The following SBF2 variants were observed in gnomAD, a reference collection of about 807,000 sequenced individuals.
SBF2 encodes myotubularin-related protein 13.
A neutral mutation model predicts 225.2 loss-of-function variants in SBF2; 112 were observed. That is an observed-to-expected ratio of 0.50 (90% CI 0.43 to 0.58). The LOEUF (loss-of-function observed/expected upper bound fraction) is 0.58, where lower values mean the gene tolerates loss of function less well. Among genes scored for constraint, SBF2 ranks in the 20% least tolerant of loss-of-function variants. SBF2 has a pLI of 0.00. For missense variants in SBF2, 1,996 were observed against 2,206.2 expected, an observed-to-expected ratio of 0.90 and a Z score of 1.91; for synonymous variants, 763 against 773.3, an observed-to-expected ratio of 0.99 and a Z score of 0.22.
At chr11:10,057,496 C>T (rs969886058) in intron 2 of SBF2, among the ~76,000 whole-genome samples, 1 of 152,188 alleles carries the variant, frequency 6.6e-6, no homozygotes, top group African/African-American at 2.4e-5. Context: ...GACAGGGAAC[C>T]CCTGGCTTGG....
At chr11:10,177,558 A>T (rs1956524393) in intron 2 of SBF2, among the ~76,000 whole-genome samples, 2 of 148,986 alleles carry the variant, frequency 1.3e-5, no homozygotes, top group South Asian at 4.2e-4. Flanking sequence ...ACAGACAAAC[A>T]GAGAGCCAAA....
chr11:10,082,425 G>C (rs1303524268), intron 2 of SBF2, among the ~76,000 whole-genome samples: 1 of 151,888 alleles, frequency 6.6e-6, no homozygotes, highest in Non-Finnish European at 1.5e-5. Flanking sequence ...ACACAACAAT[G>C]ACGACAAAAA....
intron 1 of SBF2, among the ~76,000 whole-genome samples, chr11:10,276,016 A>G (rs2135548442): frequency 6.6e-6 from 1 of 152,324 alleles, no homozygotes; most frequent in South Asian, 2.1e-4. Context: ...AGCTTGAAAA[A>G]AAGCAATGTT....
chr11:10,004,589 A>AAAC (rs1031727887), intron 6 of SBF2, among the ~76,000 whole-genome samples: 3 of 148,966 alleles, frequency 2.0e-5, no homozygotes, highest in African/African-American at 7.3e-5. Context: ...AAAAAAAAAA[A>AAAC]AAAAAACAAA....
Position 10,178,047 on chromosome 11 carries a change from C to T in SBF2, c.141+15855G>A, listed in dbSNP as rs1397468790. Among the ~76,000 whole-genome samples the T allele has an allele frequency of 1.6e-4, 24 of 147,016 alleles. 3 individuals carry two copies. Among genetic ancestry groups the T allele is most frequent in the Non-Finnish European group, 3.4e-4 (23 of 67,272 alleles). On this transcript the variant is annotated intron_variant, in intron 2 of 39. Coordinates refer to ENST00000256190, the MANE Select transcript of SBF2 (RefSeq NM_030962.4). ...CCTCAGAAATAACACCACATATCTA[C>T]AACTATCTGATCTTTGACAAACCTG...
chr11:9,990,000 G>C (rs1469909534), intron 12 of SBF2, among the ~76,000 whole-genome samples: 2 of 152,142 alleles, frequency 1.3e-5, no homozygotes, highest in Admixed American at 1.3e-4. Flanking sequence ...TGTGTGATCT[G>C]GGACAAGGCA....
At chr11:10,285,120 G>A (rs1484487721) in intron 1 of SBF2, among the ~76,000 whole-genome samples, 3 of 152,074 alleles carry the variant, frequency 2.0e-5, no homozygotes, top group South Asian at 4.2e-4. Flanking sequence ...CACCAGCCTG[G>A]GTAACATGGT....
chr11:9,992,596 TG>T, intron 11 of SBF2, 53 bp from the exon 12 acceptor site: 2 of 1,548,176 alleles, frequency 1.3e-6, no homozygotes, highest in Admixed American at 3.6e-5. Context: ...AACGGACAAA[TG>T]GTCAAAACAG....
intron 2 of SBF2, among the ~76,000 whole-genome samples, chr11:10,107,490 C>T (rs1302499765): frequency 6.6e-6 from 1 of 152,086 alleles, no homozygotes; most frequent in Admixed American, 6.5e-5. Flanking sequence ...GCTGCTGTGA[C>T]AAATTACCAG....
At chr11:10,287,898 G>A (rs1042020216) in intron 1 of SBF2, among the ~76,000 whole-genome samples, 9 of 152,196 alleles carry the variant, frequency 5.9e-5, no homozygotes, top group Non-Finnish European at 1.0e-4. Flanking sequence ...GTGTGTAAGC[G>A]AGCGTACAGT....
chr11:9,988,442 G>A (rs1329670633), intron 13 of SBF2, among the ~76,000 whole-genome samples: 2 of 152,118 alleles, frequency 1.3e-5, no homozygotes, highest in Admixed American at 6.5e-5. Flanking sequence ...CACAGCAAAA[G>A]GAACAGTCAG....
intron 32 of SBF2, among the ~76,000 whole-genome samples, chr11:9,796,409 T>A (rs1329667767): frequency 6.6e-6 from 1 of 152,210 alleles, no homozygotes; most frequent in African/African-American, 2.4e-5. Context: ...TTATGGTTCT[T>A]GCTTTCCAGG....
chr11:10,130,205 A>G (rs1953971169), intron 2 of SBF2, among the ~76,000 whole-genome samples: 1 of 151,712 alleles, frequency 6.6e-6, no homozygotes, highest in African/African-American at 2.4e-5. Context: ...TACTAAAAAT[A>G]CAAACAATTA....
intron 26 of SBF2, among the ~76,000 whole-genome samples, chr11:9,834,156 G>A (rs1416141229): frequency 1.3e-5 from 2 of 150,618 alleles, no homozygotes; most frequent in Admixed American, 6.6e-5. Flanking sequence ...GCAATGGTGC[G>A]ATCTTGGCTC....
chr11:9,968,320 AACAG>A lies in SBF2; in HGVS notation c.1600+17_1600+20del, dbSNP rs777028593. On this transcript the variant is annotated intron_variant, in intron 14 of 39. Coordinates refer to ENST00000256190, the MANE Select transcript of SBF2 (RefSeq NM_030962.4). ...ATCCTTATAAACAGTTTACTTTTAA[AACAG>A]ACAGACAAATACATACCAACAGGTG... The A allele has an allele frequency of 3.7e-6, 6 of 1,609,396 alleles. No individual in the cohort carries two copies. Among genetic ancestry groups the A allele is most frequent in the Non-Finnish European group, 5.1e-6 (6 of 1,176,112 alleles).
intron 2 of SBF2, among the ~76,000 whole-genome samples, chr11:10,096,332 T>C (rs755876436): frequency 1.5e-4 from 22 of 151,026 alleles, no homozygotes; most frequent in Admixed American, 8.6e-4. Context: ...GATTGATATA[T>C]AAGATTTAGT....
At chr11:10,084,150 C>T (rs544729655) in intron 2 of SBF2, among the ~76,000 whole-genome samples, 2 of 151,718 alleles carry the variant, frequency 1.3e-5, no homozygotes, top group South Asian at 4.2e-4. Flanking sequence ...AAACTAAGAA[C>T]AAAACAAAAC....
intron 13 of SBF2, among the ~76,000 whole-genome samples, chr11:9,979,478 C>T (rs1445608194): frequency 6.6e-6 from 1 of 152,184 alleles, no homozygotes; most frequent in East Asian, 1.9e-4. Flanking sequence ...CAAAGACCAG[C>T]ATACAACACA....
chr11:9,907,855 T>C (rs1195203862), intron 16 of SBF2, among the ~76,000 whole-genome samples: 1 of 152,222 alleles, frequency 6.6e-6, no homozygotes, highest in East Asian at 1.9e-4. Flanking sequence ...TCACAACATC[T>C]CGATTAGATA....
Sources: gnomAD v4.1 joint callset for allele counts (sites outside exome capture counted in the v4.1 genomes callset) on GRCh38, gnomAD v4.1.1 for gene constraint, MANE v1.5 for transcripts, NCBI Gene and HGNC (gene_info 2026-07-23, HGNC 2026-07-21) for gene names.